The following RETREG3 variants were observed in gnomAD, a reference collection of about 807,000 sequenced individuals.
The protein encoded by RETREG3 is reticulophagy regulator family member 3.
RETREG3 carries 23 observed loss-of-function variants against 50.2 expected under a neutral mutation model. That is an observed-to-expected ratio of 0.46 (90% CI 0.33 to 0.65). The LOEUF is 0.65. Ranked by LOEUF, RETREG3 falls within the 30% of genes least tolerant of loss-of-function variation. The pLI is 0.02. For synonymous variants in RETREG3, 240 were observed against 234.4 expected, an observed-to-expected ratio of 1.02 and a Z score of -0.22; for missense variants, 546 against 598.0, an observed-to-expected ratio of 0.91 and a Z score of 0.91.
Position 42,581,977 on chromosome 17 carries a change from C to T in RETREG3, c.1237G>A (p.Ala413Thr). Residue 413 changes from alanine to threonine, a missense_variant, in exon 9 of 9, where the codon GCC (alanine) becomes ACC (threonine). By Grantham distance (58) the Ala-to-Thr change is moderately conservative. Coordinates refer to ENST00000309428, the MANE Select transcript of RETREG3 (RefSeq NM_178126.4). ...QGMIQLALSG[A>T]SQPGPSGAPA... ...GCTCCAGAAGGGCCTGGTTGGGAGG[C>T]CCCTGACAAGGCCAGCTGAATCATA... 1 of 1,614,108 alleles carries T rather than the reference C, an allele frequency of 6.2e-7. No individual in the cohort carries two copies. Among genetic ancestry groups the T allele is most frequent in the Non-Finnish European group, 8.5e-7 (1 of 1,180,032 alleles).
chr17:42,585,229 T>C lies in RETREG3; in HGVS notation c.623A>G (p.Tyr208Cys), dbSNP rs768240598. ...ATATGCTCGATCCCACAGTCGGTGGTACACAGCAAGGGGCCACATCATGAC... is the reference window on the plus strand; with the variant it reads ...ATATGCTCGATCCCACAGTCGGTGGCACACAGCAAGGGGCCACATCATGAC... Reference protein sequence around the residue: ...VTVMMWPLAVYHRLWDRAYVR... With the variant: ...VTVMMWPLAVCHRLWDRAYVR... The change falls in exon 6 of 9, where the codon TAC (tyrosine) becomes TGC (cysteine). Residue 208 changes from tyrosine (Y) to cysteine (C), a missense_variant. Transcript: ENST00000309428. 24 of 1,613,952 alleles carry C rather than the reference T, an allele frequency of 1.5e-5. No homozygotes were observed. The East Asian group carries it at 3.8e-4, about 25-fold the overall frequency.
rs540748666 is a variant in RETREG3, at chr17:42,591,886, A to T, written c.346+170T>A. On this transcript the variant is annotated intron_variant, in intron 2 of 8. Coordinates refer to ENST00000309428, the MANE Select transcript of RETREG3 (RefSeq NM_178126.4). ...GGAAGGGCAGAACCCAGCTCTAAGG[A>T]ACCATAATTGGGGCACAAGCCCTTC... Among the ~76,000 whole-genome samples the T allele has an allele frequency of 7.9e-5, 12 of 152,320 alleles. No homozygotes were observed. The South Asian group carries it at 2.5e-3, about 32-fold the overall frequency.
intron 1 of RETREG3, 44 bp downstream of exon 1, chr17:42,609,042 C>T: frequency 6.3e-7 from 1 of 1,577,042 alleles, no homozygotes; most frequent in Non-Finnish European, 8.6e-7. Flanking sequence ...GAGGAACCAA[C>T]GAATTCGGGA....
At chr17:42,604,694 C>CAAAAAAAAAAAAA in intron 1 of RETREG3, among the ~76,000 whole-genome samples, 1 of 44,514 alleles carries the variant, frequency 2.2e-5, no homozygotes. Context: ...GATTCCCCAG[C>CAAAAAAAAAAAAA]AAAAAAAAAA....
At chr17:42,593,647 CAA>C (rs10537185) in intron 1 of RETREG3, among the ~76,000 whole-genome samples, 5 of 86,312 alleles carry the variant, frequency 5.8e-5, no homozygotes, top group African/African-American at 1.6e-4. Flanking sequence ...GACTCCGTCT[CAA>C]AAAAAAAAAA....
chr17:42,598,131 G>A (rs867589103), intron 1 of RETREG3, among the ~76,000 whole-genome samples: 15 of 151,562 alleles, frequency 9.9e-5, no homozygotes, highest in African/African-American at 2.9e-4. Flanking sequence ...ACAGGCGCCC[G>A]CCACCACGCC....
chr17:42,582,636 C>A, intron 8 of RETREG3, 38 bp downstream of exon 8: 1 of 1,612,582 alleles, frequency 6.2e-7, no homozygotes. Context: ...AGGCAACAGT[C>A]AGAGCCATTA....
chr17:42,585,018 T>C (rs2093118272), intron 6 of RETREG3, 107 bp downstream of exon 6: 7 of 1,377,336 alleles, frequency 5.1e-6, no homozygotes, highest in Admixed American at 1.9e-5. Context: ...CCCCACCAAC[T>C]ACCCCCGACT....
chr17:42,608,932 G>T, intron 1 of RETREG3, 154 bp downstream of exon 1: 1 of 717,176 alleles, frequency 1.4e-6, no homozygotes, highest in Non-Finnish European at 2.3e-6. Context: ...GCCGAAGCCT[G>T]CAGGCGGGAT....
Position 42,592,122 on chromosome 17 carries a change from C to T in RETREG3, c.280G>A (p.Ala94Thr). 2 of 1,613,702 alleles carry T rather than the reference C, an allele frequency of 1.2e-6. No individual in the cohort carries two copies. The highest frequency in any genetic ancestry group is 1.7e-6 in the Non-Finnish European group (2 of 1,179,874). Reference sequence around the variant, plus strand: ...CACACAATGATCATCAAGCCAAATGCAAGTAAAAACACAAGACGAAGAGAT... The same window carrying T: ...CACACAATGATCATCAAGCCAAATGTAAGTAAAAACACAAGACGAAGAGAT... ...LTSLRLVFLLAFGLMIIVCID... is the reference protein window; with the variant it reads ...LTSLRLVFLLTFGLMIIVCID... Residue 94 changes from alanine to threonine, a missense_variant, in exon 2 of 9, where the codon GCA becomes ACA. Physicochemically the swap from Ala to Thr is moderately conservative, Grantham distance 58. Transcript: ENST00000309428.
At chr17:42,586,255 G>C (rs1196493675) in intron 4 of RETREG3, 118 bp from the exon 5 acceptor site, 1 of 862,430 alleles carries the variant, frequency 1.2e-6, no homozygotes, top group Non-Finnish European at 1.9e-6. Flanking sequence ...TGGACGTGCA[G>C]CCACTGTTGC....
intron 3 of RETREG3, 77 bp downstream of exon 3, chr17:42,587,757 G>T: frequency 6.4e-7 from 1 of 1,554,438 alleles, no homozygotes; most frequent in Non-Finnish European, 8.9e-7. Context: ...CAGAACATGG[G>T]GTTAACAACA....
At chr17:42,604,704 A>C (rs2093164632) in intron 1 of RETREG3, among the ~76,000 whole-genome samples, 1 of 151,652 alleles carries the variant, frequency 6.6e-6, no homozygotes, top group African/African-American at 2.4e-5. Flanking sequence ...CAAAAAAAAA[A>C]AAAAAAAAAA....
At position 42,609,290 on chromosome 17, in the gene RETREG3, C is replaced by CG; in HGVS notation, c.34_35insC (p.Gly12AlafsTer25). On this transcript the variant is annotated frameshift_variant, in exon 1 of 9. Coordinates refer to ENST00000309428, the MANE Select transcript of RETREG3 (RefSeq NM_178126.4). LOFTEE classifies it high-confidence loss of function. Reference sequence around the variant, plus strand: ...CCTGAAAGTCGACCCCGAAGCCGGGCCTGGGGTCGTGGGAACCCCTTCGGC... The same window carrying CG: ...CCTGAAAGTCGACCCCGAAGCCGGGCGCTGGGGTCGTGGGAACCCCTTCGGC... 1 of 1,603,120 alleles carries CG rather than the reference C, an allele frequency of 6.2e-7. No homozygotes were observed. Among genetic ancestry groups the CG allele is most frequent in the African/African-American group, 1.3e-5 (1 of 75,062 alleles).
chr17:42,589,458 G>A (rs1387103521), intron 2 of RETREG3, among the ~76,000 whole-genome samples: 1 of 152,086 alleles, frequency 6.6e-6, no homozygotes, highest in Non-Finnish European at 1.5e-5. Flanking sequence ...TTCTGAGACA[G>A]GTGTCGCCCT....
intron 1 of RETREG3, among the ~76,000 whole-genome samples, chr17:42,597,797 T>C (rs1220499153): frequency 1.3e-5 from 2 of 149,434 alleles, no homozygotes; most frequent in Admixed American, 1.3e-4. Flanking sequence ...GCCCAGCTAA[T>C]TTTTGTATTT....
chr17:42,584,983 A>G, intron 6 of RETREG3, 142 bp downstream of exon 6: 3 of 1,004,986 alleles, frequency 3.0e-6, no homozygotes, highest in South Asian at 1.6e-5. Context: ...AGAACAGAAT[A>G]TCATTTTTAC....
intron 1 of RETREG3, among the ~76,000 whole-genome samples, chr17:42,593,742 T>C (rs2093137987): frequency 6.6e-6 from 1 of 151,984 alleles, no homozygotes; most frequent in African/African-American, 2.4e-5. Context: ...TTTTAGATGC[T>C]AAGTGTTAAG....
At chr17:42,585,949 A>T in intron 5 of RETREG3, 104 bp downstream of exon 5, 1 of 1,040,438 alleles carries the variant, frequency 9.6e-7, no homozygotes. Context: ...GTCATATCCT[A>T]GAGAATTGAA....
Sources: allele counts gnomAD v4.1 joint callset (sites outside exome capture counted in the v4.1 genomes callset), GRCh38; gene constraint gnomAD v4.1.1; transcripts MANE v1.5; gene names NCBI Gene and HGNC (gene_info 2026-07-23, HGNC 2026-07-21).